ASAP2: variants seen among roughly 807,000 people sequenced by gnomAD.
ASAP2 encodes arf-GAP with SH3 domain, ANK repeat and PH domain-containing protein 2.
ASAP2 carries 45 observed loss-of-function variants against 131.4 expected under a neutral mutation model. That is an observed-to-expected ratio of 0.34 (90% CI 0.27 to 0.44). The LOEUF (loss-of-function observed/expected upper bound fraction) is 0.44, where lower values mean the gene tolerates loss of function less well. ASAP2 is among the 20% of genes least tolerant of loss of function. ASAP2 has a pLI of 1.00. For missense variants in ASAP2, 1,011 were observed against 1,297.0 expected, an observed-to-expected ratio of 0.78 and a Z score of 3.39; for synonymous variants, 510 against 503.0, an observed-to-expected ratio of 1.01 and a Z score of -0.19.
At chr2:9,326,985 CAAAA>C (rs1670521503) in intron 6 of ASAP2, among the ~76,000 whole-genome samples, 1 of 152,016 alleles carries the variant, frequency 6.6e-6, no homozygotes, top group Admixed American at 6.6e-5. Flanking sequence ...TATTTAATAT[CAAAA>C]AGAAAGAGGG....
Position 9,356,033 on chromosome 2 carries a change from C to G in ASAP2, c.1112-14C>G. On this transcript the variant is annotated splice_polypyrimidine_tract_variant and intron_variant, in intron 12 of 27. Transcript: ENST00000281419. Reference sequence around the variant, plus strand: ...CTGTCTGGGCTCACAGTTGAAATTCCTCTTGCTATGCAGATGACAGAACTT... The same window carrying G: ...CTGTCTGGGCTCACAGTTGAAATTCGTCTTGCTATGCAGATGACAGAACTT... The G allele has an allele frequency of 6.2e-7, 1 of 1,613,988 alleles. No individual in the cohort carries two copies. The highest frequency in any genetic ancestry group is 8.5e-7 in the Non-Finnish European group (1 of 1,179,936).
chr2:9,402,876 G>C (rs1676860101), intron 27 of ASAP2, among the ~76,000 whole-genome samples: 1 of 152,158 alleles, frequency 6.6e-6, no homozygotes. Context: ...GCCACTTTAG[G>C]TGACGTTGCA....
At chr2:9,340,364 G>C (rs1281238205) in intron 9 of ASAP2, among the ~76,000 whole-genome samples, 1 of 152,208 alleles carries the variant, frequency 6.6e-6, no homozygotes, top group Non-Finnish European at 1.5e-5. Context: ...GAGGATAAGT[G>C]CCCTTGCTGG....
intron 3 of ASAP2, among the ~76,000 whole-genome samples, chr2:9,306,875 C>T (rs1201399375): frequency 6.6e-6 from 1 of 152,106 alleles, no homozygotes; most frequent in Non-Finnish European, 1.5e-5. Flanking sequence ...CATTGGTGCC[C>T]CAGGGGCCCT....
chr2:9,325,072 T>A (rs754291396), intron 6 of ASAP2, among the ~76,000 whole-genome samples: 1 of 152,226 alleles, frequency 6.6e-6, no homozygotes, highest in South Asian at 2.1e-4. Flanking sequence ...CAAATATTTT[T>A]AAATATTCAC....
intron 1 of ASAP2, among the ~76,000 whole-genome samples, chr2:9,221,797 T>C (rs1662437907): frequency 6.6e-6 from 1 of 151,952 alleles, no homozygotes; most frequent in African/African-American, 2.4e-5. Flanking sequence ...CTTTTATTTC[T>C]TTTTTTTGTT....
In ASAP2 at chr2:9,400,665, C is replaced by CT. The variant is rs1676583995; in HGVS notation, c.2735-76dup. ...GGGGAAACCTGCTTTCAGACACACC[C>CT]TGTGGCTTGTACATTGTTTACATCT... On this transcript the variant is annotated intron_variant, in intron 25 of 27. Transcript: ENST00000281419. 13 of 1,335,010 alleles carry CT rather than the reference C, an allele frequency of 9.7e-6. No homozygotes were observed. In the Admixed American group the frequency reaches 1.9e-4, roughly 19 times the overall value. 82.7% of individuals were successfully genotyped at this position (1,335,010 alleles called of 1,614,324 possible).
intron 20 of ASAP2, among the ~76,000 whole-genome samples, chr2:9,383,930 G>A (rs922341307): frequency 3.9e-5 from 6 of 151,932 alleles, no homozygotes; most frequent in East Asian, 3.9e-4. Context: ...ACCAAACACC[G>A]CACGTTCTCA....
At chr2:9,363,096 A>C (rs1403005884) in intron 15 of ASAP2, among the ~76,000 whole-genome samples, 5 of 152,188 alleles carry the variant, frequency 3.3e-5, no homozygotes, top group Admixed American at 3.3e-4. Flanking sequence ...AATGTCCTTC[A>C]GGTTCATCCA....
At chr2:9,357,162 G>A (rs1672763036) in intron 14 of ASAP2, among the ~76,000 whole-genome samples, 1 of 149,706 alleles carries the variant, frequency 6.7e-6, no homozygotes, top group South Asian at 2.1e-4. Flanking sequence ...GACTGTATTT[G>A]GCCTTGGATC....
chr2:9,379,533 C>T (rs73150927), intron 19 of ASAP2, among the ~76,000 whole-genome samples: 1,560 of 152,230 alleles, frequency 0.01, 23 homozygotes, highest in African/African-American at 0.028. Context: ...TACTTGGCCC[C>T]GGTCCCTCCC....
At chr2:9,366,026 C>T (rs1558371240) in intron 15 of ASAP2, among the ~76,000 whole-genome samples, 1 of 152,164 alleles carries the variant, frequency 6.6e-6, no homozygotes, top group Non-Finnish European at 1.5e-5. Context: ...GATGCCAGGG[C>T]TCAGGTCGAC....
At chr2:9,293,582 G>C (rs1667953052) in intron 2 of ASAP2, among the ~76,000 whole-genome samples, 2 of 152,174 alleles carry the variant, frequency 1.3e-5, no homozygotes, top group Admixed American at 1.3e-4. Flanking sequence ...GAAAAACAAA[G>C]GCACTGAATG....
intron 1 of ASAP2, among the ~76,000 whole-genome samples, chr2:9,277,965 A>T (rs964044550): frequency 2.0e-5 from 3 of 152,212 alleles, no homozygotes; most frequent in African/African-American, 7.2e-5. Flanking sequence ...CTGGTTCAAA[A>T]GGTGATTTCA....
chr2:9,318,628 C>T, intron 4 of ASAP2, 30 bp downstream of exon 4: 1 of 1,521,440 alleles, frequency 6.6e-7, no homozygotes. Flanking sequence ...ACACCAGGGG[C>T]AGCTTTTACA....
chr2:9,344,115 TGTA>T (rs1313072031), intron 9 of ASAP2, among the ~76,000 whole-genome samples: 2 of 152,236 alleles, frequency 1.3e-5, no homozygotes, highest in Non-Finnish European at 2.9e-5. Context: ...GTGATGGTTC[TGTA>T]GTAAGGGACA....
At chr2:9,342,218 AAAG>A (rs1312154848) in intron 9 of ASAP2, among the ~76,000 whole-genome samples, 2 of 152,242 alleles carry the variant, frequency 1.3e-5, no homozygotes, top group East Asian at 1.9e-4. Flanking sequence ...CAATCCTGAA[AAAG>A]AAGAACAAAG....
intron 3 of ASAP2, among the ~76,000 whole-genome samples, chr2:9,303,600 C>T (rs1207939696): frequency 6.6e-6 from 1 of 152,138 alleles, no homozygotes; most frequent in African/African-American, 2.4e-5. Context: ...TTTGGCATGG[C>T]CTCATTTATA....
intron 2 of ASAP2, among the ~76,000 whole-genome samples, chr2:9,292,834 C>A (rs990339714): frequency 6.6e-6 from 1 of 152,150 alleles, no homozygotes; most frequent in Admixed American, 6.6e-5. Context: ...TCCCTGTTGC[C>A]GGGCTGGAAA....
Sources: allele counts gnomAD v4.1 joint callset (sites outside exome capture counted in the v4.1 genomes callset), GRCh38; gene constraint gnomAD v4.1.1; transcripts MANE v1.5; gene names NCBI Gene and HGNC (gene_info 2026-07-23, HGNC 2026-07-21).